The following KCNQ5 variants were observed in gnomAD, a reference collection of about 807,000 sequenced individuals.
The protein encoded by KCNQ5 is potassium voltage-gated channel subfamily Q member 5, also known as potassium voltage-gated channel subfamily KQT member 5.
In KCNQ5, 30 loss-of-function variants were observed where a neutral mutation model predicts 98.2. The observed-to-expected ratio is 0.31, with a 90% CI of 0.23 to 0.41. The LOEUF is 0.41. Ranked by LOEUF, KCNQ5 falls within the 10% of genes least tolerant of loss-of-function variation. KCNQ5 has a pLI of 1.00. For missense variants in KCNQ5, 835 were observed against 1,182.5 expected (o/e 0.71, Z 4.31); for synonymous variants, 458 against 449.4 (o/e 1.02, Z -0.24).
intron 5 of KCNQ5, among the ~76,000 whole-genome samples, chr6:73,080,311 T>A (rs942292208): frequency 2.0e-5 from 3 of 152,042 alleles, no homozygotes; most frequent in African/African-American, 4.8e-5. Flanking sequence ...TTTCTATTTT[T>A]AAAAAAAATC....
At chr6:72,895,571 A>G (rs1779219550) in intron 1 of KCNQ5, among the ~76,000 whole-genome samples, 1 of 151,320 alleles carries the variant, frequency 6.6e-6, no homozygotes, top group South Asian at 2.1e-4. Flanking sequence ...TAACACTTTG[A>G]ATTAGTCATT....
intron 3 of KCNQ5, chr6:73,055,703 A>G (rs1258496798): frequency 8.9e-7 from 1 of 1,127,954 alleles, no homozygotes; most frequent in East Asian, 2.4e-5. Context: ...AGAGGCTATC[A>G]TGGAGCTGAA....
At chr6:72,840,747 A>G (rs1776752936) in intron 1 of KCNQ5, among the ~76,000 whole-genome samples, 2 of 152,252 alleles carry the variant, frequency 1.3e-5, no homozygotes, top group African/African-American at 2.4e-5. Context: ...ACTATTTGCC[A>G]GAAACACCTT....
intron 1 of KCNQ5, among the ~76,000 whole-genome samples, chr6:72,846,020 A>G (rs1349933365): frequency 6.6e-6 from 1 of 152,118 alleles, no homozygotes; most frequent in Non-Finnish European, 1.5e-5. Flanking sequence ...GTGACACAAT[A>G]CAAAGTGTCA....
intron 2 of KCNQ5, among the ~76,000 whole-genome samples, chr6:73,036,696 G>C (rs1477079443): frequency 5.9e-5 from 9 of 152,088 alleles, no homozygotes; most frequent in African/African-American, 9.6e-5. Context: ...TTTTATTATT[G>C]AGTAGCATTC....
intron 1 of KCNQ5, among the ~76,000 whole-genome samples, chr6:72,948,828 A>C (rs1440006515): frequency 2.6e-5 from 4 of 152,176 alleles, no homozygotes; most frequent in African/African-American, 9.6e-5. Context: ...TGATGTTGAC[A>C]ATATTATCTC....
chr6:73,056,616 C>T (rs954587575), intron 3 of KCNQ5, among the ~76,000 whole-genome samples: 2 of 152,086 alleles, frequency 1.3e-5, no homozygotes, highest in African/African-American at 2.4e-5. Flanking sequence ...CAGTGAAATG[C>T]CTCTTGGTCC....
At chr6:72,938,527 G>C (rs1422676738) in intron 1 of KCNQ5, among the ~76,000 whole-genome samples, 1 of 146,806 alleles carries the variant, frequency 6.8e-6, no homozygotes, top group Non-Finnish European at 1.5e-5. Flanking sequence ...CTACAGGCAT[G>C]CACCACCACA....
At chr6:73,021,251 C>T (rs991256226) in intron 2 of KCNQ5, among the ~76,000 whole-genome samples, 17 of 152,160 alleles carry the variant, frequency 1.1e-4, no homozygotes, top group Non-Finnish European at 1.5e-5. Context: ...GGTTTCCATA[C>T]ATACTTTTAT....
intron 1 of KCNQ5, among the ~76,000 whole-genome samples, chr6:72,929,041 A>G (rs1428525222): frequency 6.6e-6 from 1 of 152,148 alleles, no homozygotes; most frequent in Non-Finnish European, 1.5e-5. Context: ...CACTATGATT[A>G]TATAATTAAT....
intron 1 of KCNQ5, among the ~76,000 whole-genome samples, chr6:72,624,453 G>A (rs1468717972): frequency 3.3e-5 from 5 of 152,052 alleles, no homozygotes; most frequent in Non-Finnish European, 7.4e-5. Context: ...GCCTTGGTTG[G>A]TGCACATACT....
At chr6:72,624,483 C>G (rs1247912171) in intron 1 of KCNQ5, among the ~76,000 whole-genome samples, 4 of 152,076 alleles carry the variant, frequency 2.6e-5, no homozygotes, top group African/African-American at 9.7e-5. Context: ...CTAACTTGTT[C>G]TTGAACATGA....
intron 1 of KCNQ5, among the ~76,000 whole-genome samples, chr6:72,979,298 A>G (rs901859671): frequency 2.0e-5 from 3 of 152,216 alleles, no homozygotes; most frequent in African/African-American, 7.2e-5. Context: ...CCAACAGTGT[A>G]AAAGTATTCC....
intron 1 of KCNQ5, among the ~76,000 whole-genome samples, chr6:72,711,662 T>C (rs1369973806): frequency 1.3e-5 from 2 of 152,152 alleles, no homozygotes; most frequent in African/African-American, 4.8e-5. Flanking sequence ...AGGGAAAGTG[T>C]AGGTGCAGGG....
intron 1 of KCNQ5, among the ~76,000 whole-genome samples, chr6:72,892,820 T>A (rs911057829): frequency 6.6e-6 from 1 of 152,136 alleles, no homozygotes; most frequent in Admixed American, 6.5e-5. Context: ...TGCTCTGAAT[T>A]AAAATATCAG....
chr6:72,806,387 C>T (rs1774960635), intron 1 of KCNQ5, among the ~76,000 whole-genome samples: 1 of 151,980 alleles, frequency 6.6e-6, no homozygotes, highest in Admixed American at 6.6e-5. Context: ...ATGGGATTGG[C>T]TTGAGGAAGT....
intron 1 of KCNQ5, among the ~76,000 whole-genome samples, chr6:72,897,010 A>T (rs920001540): frequency 6.6e-6 from 1 of 151,840 alleles, no homozygotes; most frequent in Non-Finnish European, 1.5e-5. Context: ...CCATGTTCTC[A>T]TATTATAGTC....
At chr6:73,055,862 C>T in intron 3 of KCNQ5, 1 of 658,320 alleles carries the variant, frequency 1.5e-6, no homozygotes, top group African/African-American at 1.8e-5. Context: ...AAGTGAAGGC[C>T]AGCAAACAGG....
chr6:73,022,721 A>G (rs561816473), intron 2 of KCNQ5, among the ~76,000 whole-genome samples: 4 of 152,228 alleles, frequency 2.6e-5, no homozygotes, highest in Non-Finnish European at 4.4e-5. Context: ...CTAAGTAAGT[A>G]GAATGAAAGC....
Sources: allele counts gnomAD v4.1 joint callset (sites outside exome capture counted in the v4.1 genomes callset), GRCh38; gene constraint gnomAD v4.1.1; transcripts MANE v1.5; gene names NCBI Gene and HGNC (gene_info 2026-07-23, HGNC 2026-07-21).